The following PDE7B variants were observed in gnomAD, a reference collection of about 807,000 sequenced individuals.
The protein encoded by PDE7B is phosphodiesterase 7B.
In PDE7B, 29 loss-of-function variants were observed where a neutral mutation model predicts 56.2. That is an observed-to-expected ratio of 0.52 (90% CI 0.38 to 0.70). The LOEUF (loss-of-function observed/expected upper bound fraction) is 0.70, where lower values mean the gene tolerates loss of function less well. PDE7B is among the 30% of genes least tolerant of loss of function. The pLI is 0.00. For synonymous variants in PDE7B, 197 were observed against 196.9 expected (o/e 1.00, Z 0.00); for missense variants, 490 against 565.0 (o/e 0.87, Z 1.35).
At chr6:136,191,577 C>T (rs1294685304) in intron 12 of PDE7B, 37 bp from the exon 13 acceptor site, 6 of 1,565,496 alleles carry the variant, frequency 3.8e-6, no homozygotes, top group South Asian at 1.1e-5. Flanking sequence ...CGGGTTTCAC[C>T]ACGCTGTGAT....
intron 2 of PDE7B, among the ~76,000 whole-genome samples, chr6:136,028,164 T>C (rs933868091): frequency 6.6e-6 from 1 of 152,138 alleles, no homozygotes; most frequent in Non-Finnish European, 1.5e-5. Context: ...GGCGCAGCAC[T>C]GAGACGTTAA....
At chr6:136,058,025 C>T (rs147433685) in intron 2 of PDE7B, among the ~76,000 whole-genome samples, 79 of 152,312 alleles carry the variant, frequency 5.2e-4, no homozygotes, top group African/African-American at 1.9e-3. Flanking sequence ...GCATGAGGCA[C>T]TGCGCCCGCC....
intron 3 of PDE7B, among the ~76,000 whole-genome samples, chr6:136,115,588 A>T (rs1310881816): frequency 6.6e-6 from 1 of 152,250 alleles, no homozygotes; most frequent in Non-Finnish European, 1.5e-5. Context: ...TACATCTAAA[A>T]GTGAAAACAG....
chr6:135,957,360 C>T (rs1021051941), intron 2 of PDE7B, among the ~76,000 whole-genome samples: 1 of 152,148 alleles, frequency 6.6e-6, no homozygotes, highest in Non-Finnish European at 1.5e-5. Flanking sequence ...GAGGACCCAG[C>T]TGAGTTGGAC....
chr6:136,190,525 C>A (rs1232866945), intron 12 of PDE7B, among the ~76,000 whole-genome samples: 1 of 152,124 alleles, frequency 6.6e-6, no homozygotes, highest in Non-Finnish European at 1.5e-5. Context: ...TTTTGTTAGG[C>A]TGAAAAACAT....
chr6:135,864,383 A>G (rs1413579933), intron 1 of PDE7B, among the ~76,000 whole-genome samples: 1 of 152,046 alleles, frequency 6.6e-6, no homozygotes, highest in Non-Finnish European at 1.5e-5. Flanking sequence ...GATTTCCTTT[A>G]GTGCAGTGAT....
At chr6:136,037,027 A>G (rs1394794931) in intron 2 of PDE7B, among the ~76,000 whole-genome samples, 2 of 152,242 alleles carry the variant, frequency 1.3e-5, no homozygotes, top group Non-Finnish European at 2.9e-5. Context: ...CTCTGAGACT[A>G]GGAACAAGAG....
intron 1 of PDE7B, among the ~76,000 whole-genome samples, chr6:135,906,404 G>T (rs914892524): frequency 6.6e-6 from 1 of 152,056 alleles, no homozygotes; most frequent in Non-Finnish European, 1.5e-5. Context: ...CTCTCCCTTT[G>T]TCCTACTGTT....
chr6:136,136,836 A>G (rs1374816124), intron 3 of PDE7B, among the ~76,000 whole-genome samples: 1 of 152,002 alleles, frequency 6.6e-6, no homozygotes, highest in African/African-American at 2.4e-5. Context: ...GTTGACTCAG[A>G]AAATGATTAC....
chr6:135,959,508 G>A (rs1252397390), intron 2 of PDE7B, among the ~76,000 whole-genome samples: 1 of 152,020 alleles, frequency 6.6e-6, no homozygotes. Flanking sequence ...AAAAAAATTA[G>A]CATCATATTC....
intron 2 of PDE7B, among the ~76,000 whole-genome samples, chr6:135,991,028 T>C (rs1245735162): frequency 6.6e-6 from 1 of 152,214 alleles, no homozygotes; most frequent in Non-Finnish European, 1.5e-5. Context: ...TTTTAGACCA[T>C]ATAGAGTAAC....
At chr6:136,180,301 C>T (rs1376963062) in intron 10 of PDE7B, among the ~76,000 whole-genome samples, 2 of 152,162 alleles carry the variant, frequency 1.3e-5, no homozygotes, top group Non-Finnish European at 2.9e-5. Flanking sequence ...TGACTAAAGC[C>T]AAGTTGTGAA....
chr6:136,002,200 G>A (rs1046019702), intron 2 of PDE7B, among the ~76,000 whole-genome samples: 66 of 152,238 alleles, frequency 4.3e-4, no homozygotes, highest in African/African-American at 1.6e-3. Flanking sequence ...CCTGAAGGAA[G>A]CTCTAAACAT....
chr6:136,085,330 A>T (rs1777274429), intron 2 of PDE7B, among the ~76,000 whole-genome samples: 1 of 152,194 alleles, frequency 6.6e-6, no homozygotes, highest in Non-Finnish European at 1.5e-5. Context: ...GAAAATATAT[A>T]TATATGTTTT....
chr6:136,177,512 G>C (rs1778997284), intron 9 of PDE7B, among the ~76,000 whole-genome samples: 1 of 152,014 alleles, frequency 6.6e-6, no homozygotes, highest in Admixed American at 6.6e-5. Context: ...CTTCACAAAA[G>C]AAGTACAAAT....
chr6:135,922,918 C>A (rs1774113615), intron 1 of PDE7B, among the ~76,000 whole-genome samples: 1 of 152,092 alleles, frequency 6.6e-6, no homozygotes, highest in Non-Finnish European at 1.5e-5. Flanking sequence ...ACGATTTGTT[C>A]CATCTTAGAA....
chr6:136,049,668 A>G lies in PDE7B; in HGVS notation c.83-59063A>G, dbSNP rs866951005. The stretch of plus-strand genomic sequence containing the variant: ...TTAAGATCTCAACAAGATGTGAGAA[A>G]TTTGGTGAGGGAATAAACGTGAACA... On this transcript the variant is annotated intron_variant, in intron 2 of 12. Transcript: ENST00000308191. Among the ~76,000 whole-genome samples the G allele has an allele frequency of 5.3e-5, 8 of 152,276 alleles. No homozygotes were observed. The Middle Eastern group carries it at 0.01, about 194-fold the overall frequency.
At chr6:136,168,744 C>T (rs556767499) in intron 8 of PDE7B, among the ~76,000 whole-genome samples, 1 of 152,180 alleles carries the variant, frequency 6.6e-6, no homozygotes, top group South Asian at 2.1e-4. Flanking sequence ...ATGAGTTCTC[C>T]CCCAAGACGA....
intron 2 of PDE7B, among the ~76,000 whole-genome samples, chr6:136,079,597 T>G (rs1329900458): frequency 1.3e-5 from 2 of 151,618 alleles, no homozygotes; most frequent in East Asian, 3.9e-4. Flanking sequence ...AAGACTGAGG[T>G]TTTATTTATA....
Sources: gnomAD v4.1 joint callset for allele counts (sites outside exome capture counted in the v4.1 genomes callset) on GRCh38, gnomAD v4.1.1 for gene constraint, MANE v1.5 for transcripts, NCBI Gene and HGNC (gene_info 2026-07-23, HGNC 2026-07-21) for gene names.